SPIRE1: variants seen among roughly 807,000 people sequenced by gnomAD.
SPIRE1 encodes the protein protein spire homolog 1.
A neutral mutation model predicts 94.1 loss-of-function variants in SPIRE1; 40 were observed. That is an observed-to-expected ratio of 0.43 (90% CI 0.33 to 0.55). The LOEUF is 0.55. Ranked by LOEUF, SPIRE1 falls within the 20% of genes least tolerant of loss-of-function variation. The pLI, the probability that SPIRE1 is intolerant of heterozygous loss-of-function variation, is 0.06. For synonymous variants in SPIRE1, 376 were observed against 371.7 expected (o/e 1.01, Z -0.13); for missense variants, 838 against 975.2 (o/e 0.86, Z 1.87).
chr18:12,658,190 G>A, upstream of SPIRE1: 3 of 743,552 alleles, frequency 4.0e-6, no homozygotes, highest in South Asian at 3.1e-5. Flanking sequence ...CGGGCCGGGG[G>A]ATGCACGCTC....
At chr18:12,466,645 A>T (rs1192666962) in intron 10 of SPIRE1, among the ~76,000 whole-genome samples, 1 of 152,162 alleles carries the variant, frequency 6.6e-6, no homozygotes, top group East Asian at 1.9e-4. Flanking sequence ...ACTATGTGAG[A>T]TAGTGAAAAT....
chr18:12,559,265 C>A lies in SPIRE1; in HGVS notation c.373-12361G>T, dbSNP rs952861551. On this transcript the variant is annotated intron_variant, in intron 2 of 16. Transcript: ENST00000409402. This position sits in a 1 kb window ranked among gnomAD's most constrained non-coding sequence, Gnocchi z 4.7. ...AGGCAGCTGAGGCCTAGTGAGAATT[C>A]GAGCACAGTGCAGGCGGGCCAGCAG... 8.5e-5 allele frequency among the ~76,000 whole-genome samples: 13 copies of A among 152,138 alleles called. No individual in the cohort carries two copies. Among genetic ancestry groups the A allele is most frequent in the Non-Finnish European group, 1.6e-4 (11 of 67,988 alleles).
At chr18:12,551,613 G>A (rs1266523704) in intron 2 of SPIRE1, among the ~76,000 whole-genome samples, 1 of 151,976 alleles carries the variant, frequency 6.6e-6, no homozygotes, top group Admixed American at 6.6e-5. Context: ...GCTGAGGCGG[G>A]AGAATGGCAT....
At chr18:12,582,680 T>C (rs1354711098) in intron 2 of SPIRE1, among the ~76,000 whole-genome samples, 2 of 152,208 alleles carry the variant, frequency 1.3e-5, no homozygotes, top group African/African-American at 2.4e-5. Context: ...CCAGGCTCCA[T>C]ATCAGACCTA....
chr18:12,485,961 G>C lies in SPIRE1; in HGVS notation c.1229C>G (p.Ser410Ter), dbSNP rs1375824103. ...PLSMSYSFDL[S>*]DVTTPESTKN... ...AAAAGTGTTTTTGTTTTTTTTACCT[G>C]ACAAGTCAAAACTGTAAGACATGCT... Residue 410 changes from serine (S) to a stop codon, truncating the protein, a stop_gained and splice_region_variant, in exon 9 of 17, where the codon TCA becomes TGA. Transcript: ENST00000409402. LOFTEE classifies it high-confidence loss of function. 1 of 1,529,824 alleles carries C rather than the reference G, an allele frequency of 6.5e-7. No individual in the cohort carries two copies. Among genetic ancestry groups the C allele is most frequent in the Non-Finnish European group, 8.8e-7 (1 of 1,140,302 alleles). 94.8% of individuals were successfully genotyped at this position (1,529,824 alleles called of 1,614,324 possible). A position where few individuals can be genotyped will look rare whatever the true frequency, so the allele number is the denominator to read the frequency against.
At chr18:12,603,014 T>C (rs148043153) in intron 2 of SPIRE1, among the ~76,000 whole-genome samples, 15 of 152,282 alleles carry the variant, frequency 9.9e-5, no homozygotes, top group African/African-American at 3.6e-4. Flanking sequence ...GAAAATACCA[T>C]ATAGTGAAAA....
At chr18:12,599,788 T>C (rs1315444668) in intron 2 of SPIRE1, among the ~76,000 whole-genome samples, 1 of 152,158 alleles carries the variant, frequency 6.6e-6, no homozygotes, top group Non-Finnish European at 1.5e-5. Context: ...TCAACTTTTA[T>C]TACTGTGGCA....
intron 2 of SPIRE1, among the ~76,000 whole-genome samples, chr18:12,603,464 G>A (rs981835743): frequency 6.6e-6 from 1 of 152,120 alleles, no homozygotes; most frequent in Non-Finnish European, 1.5e-5. Flanking sequence ...GTAGCTTCAG[G>A]ATGGGGCTGG....
chr18:12,524,927 C>T (rs1055337152), intron 4 of SPIRE1, among the ~76,000 whole-genome samples: 8 of 151,950 alleles, frequency 5.3e-5, no homozygotes, highest in Non-Finnish European at 1.2e-4. Context: ...CTATGATCAC[C>T]CCACTACACT....
At chr18:12,615,890 A>G (rs981926141) in intron 2 of SPIRE1, among the ~76,000 whole-genome samples, 2 of 152,168 alleles carry the variant, frequency 1.3e-5, no homozygotes, top group East Asian at 1.9e-4. Context: ...GATGATTTAA[A>G]TACTATTCCT....
chr18:12,461,526 G>T (rs551791441), intron 12 of SPIRE1, among the ~76,000 whole-genome samples: 15 of 56,934 alleles, frequency 2.6e-4, no homozygotes, highest in African/African-American at 4.6e-4. Flanking sequence ...ACATATGTGT[G>T]GTATGTACGT....
chr18:12,531,767 T>C lies in SPIRE1; in HGVS notation c.729+3709A>G, dbSNP rs946859547. On this transcript the variant is annotated intron_variant, in intron 4 of 16. Coordinates refer to ENST00000409402, the MANE Select transcript of SPIRE1 (RefSeq NM_001128626.2). The stretch of plus-strand genomic sequence containing the variant: ...ATTTAACAATAACAAAACTGGGGAC[T>C]GATGATCAAAAAATTACCTGGACCA... Among the ~76,000 whole-genome samples, 3 of 152,312 alleles carry C rather than the reference T, an allele frequency of 2.0e-5. No individual in the cohort carries two copies. In the East Asian group the frequency reaches 5.8e-4, roughly 29 times the overall value.
chr18:12,500,618 C>A (rs1022909357), intron 6 of SPIRE1, among the ~76,000 whole-genome samples: 6 of 152,048 alleles, frequency 3.9e-5, no homozygotes, highest in African/African-American at 1.4e-4. Context: ...CAGGTATATA[C>A]CCCAAATAAC....
intron 6 of SPIRE1, among the ~76,000 whole-genome samples, chr18:12,497,064 T>C (rs1359845857): frequency 6.6e-6 from 1 of 151,494 alleles, no homozygotes; most frequent in Non-Finnish European, 1.5e-5. Context: ...CAAGACTCTG[T>C]CGCAAAACAA....
At chr18:12,619,324 C>T (rs1262457839) in intron 2 of SPIRE1, among the ~76,000 whole-genome samples, 4 of 151,982 alleles carry the variant, frequency 2.6e-5, no homozygotes, top group African/African-American at 9.6e-5. Context: ...CTGGCTAACA[C>T]GGTGAAACCC....
Position 12,526,750 on chromosome 18 carries a change from G to T in SPIRE1, c.729+8726C>A, listed in dbSNP as rs140966126. Among the ~76,000 whole-genome samples, 27 of 151,220 alleles carry T rather than the reference G, an allele frequency of 1.8e-4. 1 individual carries two copies. The highest frequency in any genetic ancestry group is 1.8e-3 in the Admixed American group (27 of 15,164). On this transcript the variant is annotated intron_variant, in intron 4 of 16. Transcript: ENST00000409402. ...TTTGAGAGGAGTCTCACTCACTGTC[G>T]CCAGGCTGGAGTGCAGTGGCATGAT...
At chr18:12,653,091 T>C (rs190558943) in intron 1 of SPIRE1, 61 of 152,334 alleles carry the variant, frequency 4.0e-4, no homozygotes, top group African/African-American at 1.4e-3. Context: ...GGGATGATTT[T>C]GCACCCTAGG....
intron 2 of SPIRE1, among the ~76,000 whole-genome samples, chr18:12,593,756 C>A (rs975149955): frequency 1.3e-5 from 2 of 151,998 alleles, no homozygotes; most frequent in Non-Finnish European, 2.9e-5. Flanking sequence ...TCAAGACCAG[C>A]CTGATCAAAA....
rs542471480 is a variant in SPIRE1 at position 12,448,504 on chromosome 18, G to C, written c.*1134C>G. On this transcript the variant is annotated 3_prime_UTR_variant, in exon 17 of 17. Coordinates refer to ENST00000409402, the MANE Select transcript of SPIRE1 (RefSeq NM_001128626.2). The surrounding 1 kb of genome is among the most constrained non-coding windows in gnomAD (Gnocchi z 4.4). The stretch of plus-strand genomic sequence containing the variant: ...CAATGCTACCCTCCAGTCTACTTTC[G>C]TCAGAAACCAAACCTACTCACTCAA... 4 of 152,180 alleles carry C rather than the reference G, an allele frequency of 2.6e-5. No homozygotes were observed. The highest frequency in any genetic ancestry group is 5.9e-5 in the Non-Finnish European group (4 of 68,028). 9.4% of individuals were successfully genotyped at this position (152,180 alleles called of 1,614,324 possible). A position where few individuals can be genotyped will look rare whatever the true frequency, so the allele number is the denominator to read the frequency against.
Sources: allele counts gnomAD v4.1 joint callset (sites outside exome capture counted in the v4.1 genomes callset), GRCh38; gene constraint gnomAD v4.1.1; non-coding constraint Gnocchi (gnomAD v3.1); transcripts MANE v1.5; gene names NCBI Gene and HGNC (gene_info 2026-07-23, HGNC 2026-07-21).